NAA30: variants seen among roughly 807,000 people sequenced by gnomAD.
NAA30 encodes N-alpha-acetyltransferase 30.
In NAA30, 5 loss-of-function variants were observed where a neutral mutation model predicts 31.4. The ratio of observed to expected loss-of-function variants is 0.16; its 90% CI spans 0.08 to 0.33. The LOEUF is 0.33. NAA30 is among the 10% of genes least tolerant of loss of function. The probability of loss-of-function intolerance (pLI) is 1.00; values close to 1 mark genes in which losing one functional copy is unlikely to be tolerated. For synonymous variants in NAA30, 222 were observed against 207.1 expected, an observed-to-expected ratio of 1.07 and a Z score of -0.62; for missense variants, 428 against 490.8, an observed-to-expected ratio of 0.87 and a Z score of 1.21.
chr14:57,403,130 A>C (rs987238094), intron 4 of NAA30, among the ~76,000 whole-genome samples: 5 of 152,072 alleles, frequency 3.3e-5, no homozygotes, highest in Admixed American at 2.0e-4. Context: ...GCAGTGAGCC[A>C]AGATTGCACC....
chr14:57,403,343 G>A (rs1215486105), intron 4 of NAA30, among the ~76,000 whole-genome samples: 2 of 151,880 alleles, frequency 1.3e-5, no homozygotes, highest in East Asian at 1.9e-4. Flanking sequence ...CTTGAGTCAT[G>A]TTTATATTGT....
intron 4 of NAA30, among the ~76,000 whole-genome samples, chr14:57,406,915 CAG>C (rs1465657329): frequency 6.6e-6 from 1 of 152,086 alleles, no homozygotes; most frequent in Non-Finnish European, 1.5e-5. Context: ...TTTTTTGAGA[CAG>C]AGTCTCGCTC....
At chr14:57,404,787 A>G (rs1191537738) in intron 4 of NAA30, among the ~76,000 whole-genome samples, 8 of 152,038 alleles carry the variant, frequency 5.3e-5, no homozygotes, top group African/African-American at 1.9e-4. Context: ...CTCTTTTTAA[A>G]ACCATCGGAT....
chr14:57,398,793 T>C (rs536316637), intron 3 of NAA30, among the ~76,000 whole-genome samples: 28 of 152,222 alleles, frequency 1.8e-4, no homozygotes, highest in African/African-American at 6.3e-4. Context: ...CCACCTGTAA[T>C]GCCTGGCTAA....
rs1480775243 is a variant in NAA30 at position 57,413,817 on chromosome 14, C to CT, written c.*4305dup. 1 of 152,190 alleles carries CT rather than the reference C, an allele frequency of 6.6e-6. No homozygotes were observed. 9.4% of individuals were successfully genotyped at this position (152,190 alleles called of 1,614,324 possible). ...CCTATGATATTCTTTTTATAAGCAA[C>CT]TTTTAAAAAGTTTTTTAAAAGATCT... On this transcript the variant is annotated 3_prime_UTR_variant, in exon 5 of 5. Transcript: ENST00000556492.
intron 4 of NAA30, among the ~76,000 whole-genome samples, chr14:57,404,615 A>T (rs1326031905): frequency 6.6e-6 from 1 of 152,124 alleles, no homozygotes; most frequent in Non-Finnish European, 1.5e-5. Context: ...ATAAAGACAT[A>T]CCTGAGACTG....
Position 57,410,689 on chromosome 14 carries a change from A to G in NAA30, c.*1173A>G, listed in dbSNP as rs890543864. ...GCTTTGCTTTTCTTCTGCCAGAAAAACAAAAGGGGGAAATGAAAATCTTTT... is the reference window on the plus strand; with the variant it reads ...GCTTTGCTTTTCTTCTGCCAGAAAAGCAAAAGGGGGAAATGAAAATCTTTT... On this transcript the variant is annotated 3_prime_UTR_variant, in exon 5 of 5. Coordinates refer to ENST00000556492, the MANE Select transcript of NAA30 (RefSeq NM_001011713.3). The G allele has an allele frequency of 6.6e-6, 1 of 152,124 alleles. No homozygotes were observed. Among genetic ancestry groups the G allele is most frequent in the Non-Finnish European group, 1.5e-5 (1 of 68,006 alleles). 9.4% of individuals were successfully genotyped at this position (152,124 alleles called of 1,614,324 possible).
At chr14:57,401,199 G>A (rs555548509) in intron 4 of NAA30, among the ~76,000 whole-genome samples, 12 of 152,002 alleles carry the variant, frequency 7.9e-5, no homozygotes, top group South Asian at 2.1e-4. Flanking sequence ...ATGCATTTCC[G>A]TGTTAGAATA....
rs769215174 is a variant in NAA30 at position 57,391,227 on chromosome 14, C to T, written c.270C>T (p.Pro90=). The T allele has an allele frequency of 1.9e-6, 3 of 1,612,110 alleles. No homozygotes were observed. The highest frequency in any genetic ancestry group is 4.5e-5 in the East Asian group (2 of 44,862). ...AGCAGCTCAACGGATTGATTAGCCC[C>T]GAACTGCGGCACCTCCGGGCGGCCG... ...EQQQLNGLIS[P]ELRHLRAAAS... The change falls in exon 2 of 5, where the codon CCC becomes CCT. Residue 90 remains proline (P), a synonymous_variant. Transcript: ENST00000556492. The surrounding 1 kb of genome is among the most constrained non-coding windows in gnomAD (Gnocchi z 4.1).
rs1348458661 is a variant in NAA30, at chr14:57,413,865, A to G, written c.*4349A>G. Reference sequence around the variant, plus strand: ...TCTCATAAGCATATAGCACTGCTACACTTTAGATCACTACTGTCCAGTCAC... The same window carrying G: ...TCTCATAAGCATATAGCACTGCTACGCTTTAGATCACTACTGTCCAGTCAC... On this transcript the variant is annotated 3_prime_UTR_variant, in exon 5 of 5. Transcript: ENST00000556492. 6.6e-6 allele frequency: 1 copy of G among 152,212 alleles called. No individual in the cohort carries two copies. Among genetic ancestry groups the G allele is most frequent in the East Asian group, 1.9e-4 (1 of 5,198 alleles). The allele number at this position is 152,212 out of a possible 1,614,324, so 9.4% of individuals were successfully genotyped here.
chr14:57,409,542 C>T lies in NAA30; in HGVS notation c.*26C>T, dbSNP rs567732974. ...GAAACTGACATCAAGGAACAACTAT[C>T]ATCCGCACAGAATCGACCTTTGCAT... On this transcript the variant is annotated 3_prime_UTR_variant, in exon 5 of 5. Coordinates refer to ENST00000556492, the MANE Select transcript of NAA30 (RefSeq NM_001011713.3). 21 of 1,587,458 alleles carry T rather than the reference C, an allele frequency of 1.3e-5. No homozygotes were observed. The East Asian group carries it at 1.8e-4, about 14-fold the overall frequency.
chr14:57,395,816 A>G (rs147721465), intron 2 of NAA30, among the ~76,000 whole-genome samples: 8 of 152,310 alleles, frequency 5.3e-5, no homozygotes, highest in Non-Finnish European at 2.9e-5. Context: ...ACACTTACAT[A>G]TATTAACAAA....
chr14:57,390,805 G>C, intron 1 of NAA30, 100 bp downstream of exon 1: 2 of 708,582 alleles, frequency 2.8e-6, no homozygotes, highest in South Asian at 3.1e-5. Flanking sequence ...CTGAAGAGCG[G>C]GGGGGTGGCG....
At chr14:57,397,221 G>T (rs1349878386) in intron 3 of NAA30, among the ~76,000 whole-genome samples, 1 of 152,054 alleles carries the variant, frequency 6.6e-6, no homozygotes, top group Non-Finnish European at 1.5e-5. Flanking sequence ...CTTCATGCCA[G>T]CCTTCAAGCA....
At position 57,414,041 on chromosome 14, in the gene NAA30, CT is replaced by C. The variant is rs1218186965; in HGVS notation, c.*4526del. 2.6e-5 allele frequency: 4 copies of C among 152,256 alleles called. No homozygotes were observed. In the East Asian group the frequency reaches 7.7e-4, roughly 29 times the overall value. 9.4% of individuals were successfully genotyped at this position (152,256 alleles called of 1,614,324 possible). A position where few individuals can be genotyped will look rare whatever the true frequency, so the allele number is the denominator to read the frequency against. On this transcript the variant is annotated 3_prime_UTR_variant, in exon 5 of 5. Coordinates refer to ENST00000556492, the MANE Select transcript of NAA30 (RefSeq NM_001011713.3). ...GTTAGCCACATGTGGCTTGTGGCTA[CT>C]GTATTGGACAGCAGAGCTTTAGATA...
intron 4 of NAA30, 86 bp from the exon 5 acceptor site, chr14:57,409,293 T>A (rs545938313): frequency 9.3e-5 from 98 of 1,050,652 alleles, no homozygotes; most frequent in Non-Finnish European, 1.3e-4. Context: ...TAAAATAATG[T>A]ATGATTTTTT....
intron 2 of NAA30, among the ~76,000 whole-genome samples, chr14:57,392,166 A>G (rs919596310): frequency 1.1e-4 from 16 of 152,206 alleles, no homozygotes; most frequent in African/African-American, 3.9e-4. Context: ...TGTGGTGAAC[A>G]TGGATGTCAG....
chr14:57,399,676 T>C, intron 3 of NAA30, 152 bp from the exon 4 acceptor site: 1 of 593,256 alleles, frequency 1.7e-6, no homozygotes, highest in Non-Finnish European at 3.0e-6. Context: ...AGCTTATAGC[T>C]AAAATTTTTC....
intron 4 of NAA30, among the ~76,000 whole-genome samples, chr14:57,405,344 A>G (rs2139765060): frequency 6.6e-6 from 1 of 151,570 alleles, no homozygotes; most frequent in East Asian, 1.9e-4. Context: ...TTCCCCCATT[A>G]TAAAAGGTTA....
Sources: allele counts gnomAD v4.1 joint callset (sites outside exome capture counted in the v4.1 genomes callset), GRCh38; gene constraint gnomAD v4.1.1; non-coding constraint Gnocchi (gnomAD v3.1); transcripts MANE v1.5; gene names NCBI Gene and HGNC (gene_info 2026-07-23, HGNC 2026-07-21).